Variants in CAMTA1 observed in about 807,000 individuals in gnomAD.
CAMTA1 encodes the protein calmodulin binding transcription activator 1.
A neutral mutation model predicts 170.9 loss-of-function variants in CAMTA1; 27 were observed. The observed-to-expected ratio is 0.16, with a 90% CI of 0.12 to 0.22. The LOEUF (loss-of-function observed/expected upper bound fraction) is 0.22. CAMTA1 is among the 10% of genes least tolerant of loss of function. The pLI, the probability that CAMTA1 is intolerant of heterozygous loss-of-function variation, is 1.00. For missense variants in CAMTA1, 1,619 were observed against 2,217.2 expected, an observed-to-expected ratio of 0.73 and a Z score of 5.42; for synonymous variants, 833 against 891.5, an observed-to-expected ratio of 0.93 and a Z score of 1.17.
intron 5 of CAMTA1, among the ~76,000 whole-genome samples, chr1:7,380,842 G>A (rs927238444): frequency 6.6e-6 from 1 of 152,176 alleles, no homozygotes; most frequent in Admixed American, 6.5e-5. Flanking sequence ...GGATTGCTAA[G>A]CAAAGCTGTC....
chr1:7,664,767 G>A lies in CAMTA1; in HGVS notation c.2220G>A (p.Val740=). 6.2e-7 allele frequency: 1 copy of A among 1,609,802 alleles called. No individual in the cohort carries two copies. The highest frequency in any genetic ancestry group is 1.1e-5 in the South Asian group (1 of 90,892). ...GCGTCCCCATCCTCCCGGGCAACGT[G>A]GTGCAGGGACTCTACCCCGTGGCCC... The part of the protein sequence containing the change: ...AGGVPILPGN[V]VQGLYPVAQP... The change falls in exon 9 of 23, where the codon GTG becomes GTA. Residue 740 remains valine (V), a synonymous_variant. Transcript: ENST00000303635.
chr1:7,489,811 G>A (rs115427552), intron 6 of CAMTA1, among the ~76,000 whole-genome samples: 1,680 of 152,224 alleles, frequency 0.011, 37 homozygotes, highest in African/African-American at 0.039. Flanking sequence ...AGGGGCCTTC[G>A]GCCAGCATCC....
intron 6 of CAMTA1, among the ~76,000 whole-genome samples, chr1:7,573,843 G>A (rs2095155767): frequency 6.6e-6 from 1 of 152,122 alleles, no homozygotes; most frequent in South Asian, 2.1e-4. Context: ...GCGCCATCTT[G>A]GCTCAGTACA....
intron 5 of CAMTA1, among the ~76,000 whole-genome samples, chr1:7,312,150 G>A (rs1445263891): frequency 6.6e-6 from 1 of 152,128 alleles, no homozygotes; most frequent in African/African-American, 2.4e-5. Flanking sequence ...AGGAAAGAAA[G>A]CAACATGAGT....
chr1:7,422,020 C>T (rs986361500), intron 5 of CAMTA1, among the ~76,000 whole-genome samples: 2 of 152,078 alleles, frequency 1.3e-5, no homozygotes, highest in South Asian at 4.2e-4. Context: ...TCACCTCTTC[C>T]AGCTCCTGGA....
intron 3 of CAMTA1, among the ~76,000 whole-genome samples, chr1:7,006,322 G>A (rs545774746): frequency 3.9e-4 from 60 of 152,124 alleles, no homozygotes; most frequent in Middle Eastern, 3.4e-3. Context: ...TGCTTATTAC[G>A]GAAAATTTAT....
intron 5 of CAMTA1, among the ~76,000 whole-genome samples, chr1:7,425,109 A>G (rs928432644): frequency 3.3e-5 from 5 of 152,194 alleles, no homozygotes; most frequent in African/African-American, 1.2e-4. Context: ...CCTAGTCCCC[A>G]TAAACAAAGT....
intron 3 of CAMTA1, among the ~76,000 whole-genome samples, chr1:6,894,595 T>G (rs1419652331): frequency 6.6e-6 from 1 of 152,262 alleles, no homozygotes; most frequent in Non-Finnish European, 1.5e-5. Context: ...TTTGACGGCT[T>G]CTTTCTGTTA....
intron 5 of CAMTA1, among the ~76,000 whole-genome samples, chr1:7,413,418 C>T (rs2090938954): frequency 6.6e-6 from 1 of 152,062 alleles, no homozygotes; most frequent in African/African-American, 2.4e-5. Flanking sequence ...TGTTTGTATC[C>T]TCTTTTATTT....
chr1:7,501,294 T>G (rs1340567001), intron 6 of CAMTA1, among the ~76,000 whole-genome samples: 1 of 152,084 alleles, frequency 6.6e-6, no homozygotes, highest in Non-Finnish European at 1.5e-5. Flanking sequence ...GAATGGGAAG[T>G]GCAGGCCACA....
intron 6 of CAMTA1, among the ~76,000 whole-genome samples, chr1:7,615,103 T>A (rs2095550495): frequency 6.6e-6 from 1 of 152,044 alleles, no homozygotes; most frequent in South Asian, 2.1e-4. Context: ...CTGAAGTGAT[T>A]GGAATGTTGC....
chr1:7,091,259 A>G (rs200492972), intron 3 of CAMTA1, 45 bp from the exon 4 acceptor site: 48 of 1,401,266 alleles, frequency 3.4e-5, no homozygotes, highest in Middle Eastern at 3.6e-4. Flanking sequence ...TCAGGATCCA[A>G]TGTGAGCTAA....
At chr1:7,594,242 A>AAGGAAGGAAGGAAGGAAGGAAGG (rs59901874) in intron 6 of CAMTA1, among the ~76,000 whole-genome samples, 3,507 of 123,484 alleles carry the variant, frequency 0.028, 135 homozygotes, top group South Asian at 0.038. Context: ...AGGAAGGAAG[A>AAGGAAGGAAGGAAGGAAGGAAGG]AAGAAAAGAA....
intron 6 of CAMTA1, among the ~76,000 whole-genome samples, chr1:7,612,964 C>T (rs1411812144): frequency 2.0e-5 from 3 of 152,196 alleles, no homozygotes; most frequent in Admixed American, 6.5e-5. Flanking sequence ...GGTTGGTCCT[C>T]GCCACCAGAA....
intron 5 of CAMTA1, among the ~76,000 whole-genome samples, chr1:7,345,922 T>A (rs1297106244): frequency 2.6e-5 from 4 of 152,230 alleles, no homozygotes; most frequent in African/African-American, 9.6e-5. Context: ...ATGTCAGGAC[T>A]GCTGAATCTG....
chr1:7,192,630 G>C (rs962047551), intron 4 of CAMTA1, among the ~76,000 whole-genome samples: 1 of 152,226 alleles, frequency 6.6e-6, no homozygotes, highest in East Asian at 1.9e-4. Flanking sequence ...GTGATGATGG[G>C]GGTCAGGCCC....
In CAMTA1 at chr1:7,010,896, C is replaced by T. The variant is rs1027293756; in HGVS notation, c.235-80408C>T. Among the ~76,000 whole-genome samples, 2 of 152,238 alleles carry T rather than the reference C, an allele frequency of 1.3e-5. No individual in the cohort carries two copies. Among genetic ancestry groups the T allele is most frequent in the South Asian group, 4.1e-4 (2 of 4,834 alleles). On this transcript the variant is annotated intron_variant, in intron 3 of 22. Coordinates refer to ENST00000303635, the MANE Select transcript of CAMTA1 (RefSeq NM_015215.4). The surrounding 1 kb of genome is among the most constrained non-coding windows in gnomAD (Gnocchi z 4.4). ...GGCACCTGGGACCTAAGCAGGTGCCCTAACCAGCAGCAGCTGAGCACTGAG... is the reference window on the plus strand; with the variant it reads ...GGCACCTGGGACCTAAGCAGGTGCCTTAACCAGCAGCAGCTGAGCACTGAG...
intron 5 of CAMTA1, among the ~76,000 whole-genome samples, chr1:7,401,083 G>A (rs1213894599): frequency 6.6e-6 from 1 of 152,158 alleles, no homozygotes; most frequent in Non-Finnish European, 1.5e-5. Context: ...TCATATCTAA[G>A]CAATCTTTGC....
At chr1:7,002,173 G>A (rs561740928) in intron 3 of CAMTA1, among the ~76,000 whole-genome samples, 1 of 152,270 alleles carries the variant, frequency 6.6e-6, no homozygotes, top group African/African-American at 2.4e-5. Context: ...GAGATTACAA[G>A]TGTTAGCCAC....
Sources: allele counts gnomAD v4.1 joint callset (sites outside exome capture counted in the v4.1 genomes callset), GRCh38; gene constraint gnomAD v4.1.1; non-coding constraint Gnocchi (gnomAD v3.1); transcripts MANE v1.5; gene names NCBI Gene and HGNC (gene_info 2026-07-23, HGNC 2026-07-21).